The following CRYM variants were observed in gnomAD, a reference collection of about 807,000 sequenced individuals.
CRYM encodes crystallin mu, also known as ketimine reductase mu-crystallin.
Under a neutral mutation model 32.9 loss-of-function variants are expected in CRYM, and 18 were observed. The ratio of observed to expected loss-of-function variants is 0.55; its 90% confidence interval spans 0.38 to 0.81. The LOEUF is 0.81. Among genes scored for constraint, CRYM ranks in the 30% least tolerant of loss-of-function variants. The pLI is 0.00. For missense variants in CRYM, 337 were observed against 393.5 expected (o/e 0.86, Z 1.21); for synonymous variants, 153 against 152.4 (o/e 1.00, Z -0.03).
At chr16:21,290,546 G>A (rs543680319) in intron 1 of CRYM, among the ~76,000 whole-genome samples, 8 of 152,278 alleles carry the variant, frequency 5.3e-5, no homozygotes, top group East Asian at 3.9e-4. Context: ...AAGAACCCAC[G>A]GGAGGGAACC....
chr16:21,261,886 G>T lies in CRYM; in HGVS notation c.795+151C>A. The T allele has an allele frequency of 1.8e-5, 15 of 845,848 alleles. No individual in the cohort carries two copies. The South Asian group carries it at 2.2e-4, about 13-fold the overall frequency. 52.4% of individuals were successfully genotyped at this position (845,848 alleles called of 1,614,324 possible). A position where few individuals can be genotyped will look rare whatever the true frequency, so the allele number is the denominator to read the frequency against. ...TTTTTCTGGAATGGAATTAAAGAGGGTTGCAAAATGTTTAGGAGCTCCTTC... is the reference window on the plus strand; with the variant it reads ...TTTTTCTGGAATGGAATTAAAGAGGTTTGCAAAATGTTTAGGAGCTCCTTC... On this transcript the variant is annotated intron_variant, in intron 6 of 7. Coordinates refer to ENST00000572914, the MANE Select transcript of CRYM (RefSeq NM_001376256.1).
intron 1 of CRYM, among the ~76,000 whole-genome samples, chr16:21,293,693 G>A (rs1960720347): frequency 6.6e-6 from 1 of 152,134 alleles, no homozygotes; most frequent in South Asian, 2.1e-4. Flanking sequence ...ATATTAGCAA[G>A]AATCACAGAA....
chr16:21,290,810 T>G (rs576354168), intron 1 of CRYM, among the ~76,000 whole-genome samples: 82 of 152,260 alleles, frequency 5.4e-4, no homozygotes, highest in Non-Finnish European at 1.0e-3. Flanking sequence ...GATATATTCC[T>G]TATCCTCTTT....
chr16:21,295,670 C>T (rs181838639), intron 1 of CRYM, among the ~76,000 whole-genome samples: 3 of 152,270 alleles, frequency 2.0e-5, no homozygotes, highest in Non-Finnish European at 2.9e-5. Flanking sequence ...TGGTGGTTCA[C>T]GTCTATAATC....
At chr16:21,289,568 A>G (rs1372044705) in intron 1 of CRYM, among the ~76,000 whole-genome samples, 1 of 152,216 alleles carries the variant, frequency 6.6e-6, no homozygotes, top group Admixed American at 6.5e-5. Context: ...ATTTATATTT[A>G]ATGTAATCAC....
chr16:21,300,211 C>T (rs1009656360), intron 1 of CRYM, among the ~76,000 whole-genome samples: 4 of 152,176 alleles, frequency 2.6e-5, no homozygotes. Flanking sequence ...TTTCTCAATT[C>T]TCTGTTCTTC....
intron 1 of CRYM, chr16:21,300,653 A>ATGTTC (rs1597635066): frequency 6.6e-6 from 1 of 152,134 alleles, no homozygotes; most frequent in East Asian, 1.9e-4. Flanking sequence ...GGGGCGGAGG[A>ATGTTC]TGTTCTATAC....
chr16:21,299,245 T>C (rs2152866017), intron 1 of CRYM, among the ~76,000 whole-genome samples: 2 of 152,280 alleles, frequency 1.3e-5, no homozygotes, highest in Middle Eastern at 6.8e-3. Context: ...CTGGTTCAGA[T>C]TCTCAGCACT....
At chr16:21,263,089 G>A (rs1432779496) in intron 5 of CRYM, among the ~76,000 whole-genome samples, 1 of 152,036 alleles carries the variant, frequency 6.6e-6, no homozygotes, top group East Asian at 1.9e-4. Flanking sequence ...GCCCAGGCTG[G>A]AGTGTAGTGG....
chr16:21,292,030 A>T (rs1287151029), intron 1 of CRYM, among the ~76,000 whole-genome samples: 1 of 152,156 alleles, frequency 6.6e-6, no homozygotes, highest in African/African-American at 2.4e-5. Flanking sequence ...TAGAAGTTTT[A>T]CTTAAGAGAA....
At chr16:21,276,533 T>G (rs551989437) in intron 2 of CRYM, among the ~76,000 whole-genome samples, 1 of 152,304 alleles carries the variant, frequency 6.6e-6, no homozygotes, top group South Asian at 2.1e-4. Flanking sequence ...TCTTGAGTCT[T>G]TCACTAACCA....
upstream of CRYM, among the ~76,000 whole-genome samples, chr16:21,280,846 T>C (rs1230362161): frequency 1.3e-5 from 2 of 152,158 alleles, no homozygotes; most frequent in Non-Finnish European, 2.9e-5. Flanking sequence ...GGCTCACACC[T>C]GTAATCCCAG....
At position 21,272,816 on chromosome 16, in the gene CRYM, A is replaced by ATTT. The variant is rs60416570; in HGVS notation, c.387+2713_387+2715dup. Among the ~76,000 whole-genome samples, 114 of 42,304 alleles carry ATTT rather than the reference A, an allele frequency of 2.7e-3. 6 individuals are homozygous for ATTT. In the East Asian group the frequency reaches 0.03, roughly 11 times the overall value. 27.8% of individuals were successfully genotyped at this position (42,304 alleles called of 152,430 possible). ...AGGCACCTGCCACCATGCCCAGCTA[A>ATTT]TTTTTTTTTTTTTTTTTTTTTTTTT... On this transcript the variant is annotated intron_variant, in intron 3 of 7. Transcript: ENST00000572914.
intron 1 of CRYM, among the ~76,000 whole-genome samples, chr16:21,287,730 G>T (rs2152864516): frequency 6.6e-6 from 1 of 152,328 alleles, no homozygotes; most frequent in Admixed American, 6.5e-5. Flanking sequence ...CGGTGTGCTG[G>T]GAGGGTGGCA....
chr16:21,282,611 CTTT>C (rs995210469), upstream of CRYM, among the ~76,000 whole-genome samples: 16 of 152,238 alleles, frequency 1.1e-4, no homozygotes, highest in African/African-American at 3.9e-4. Context: ...TATTAATCTT[CTTT>C]AAGTCATGAT....
Position 21,298,124 on chromosome 16 carries a change from C to T in CRYM, c.-193+4854G>A, listed in dbSNP as rs985676312. Among the ~76,000 whole-genome samples, 3 of 152,292 alleles carry T rather than the reference C, an allele frequency of 2.0e-5. No individual in the cohort carries two copies. In the South Asian group the frequency reaches 6.2e-4, roughly 32 times the overall value. The stretch of plus-strand genomic sequence containing the variant: ...GGTGTTTGTCCAGTATTTGCCCAAT[C>T]AGAGAACTGATAGGTTAAATAAAAG... On this transcript the variant is annotated intron_variant, in intron 1 of 9. Coordinates refer to the CRYM transcript ENST00000219599.
chr16:21,302,764 G>A (rs1318067940), intron 1 of CRYM, among the ~76,000 whole-genome samples: 1 of 152,204 alleles, frequency 6.6e-6, no homozygotes, highest in Non-Finnish European at 1.5e-5. Flanking sequence ...GCATTTCAAA[G>A]GAATGGCTCC....
intron 1 of CRYM, chr16:21,284,101 C>T (rs915125845): frequency 6.6e-6 from 1 of 151,934 alleles, no homozygotes; most frequent in African/African-American, 2.4e-5. Context: ...GCGCCTCTAA[C>T]AAATGAAAAC....
chr16:21,263,271 C>T (rs758582122), intron 5 of CRYM, among the ~76,000 whole-genome samples: 1 of 152,154 alleles, frequency 6.6e-6, no homozygotes, highest in Non-Finnish European at 1.5e-5. Context: ...CATGGTAGCA[C>T]ACGCCTGTAA....
Sources: gnomAD v4.1 joint callset for allele counts (sites outside exome capture counted in the v4.1 genomes callset) on GRCh38, gnomAD v4.1.1 for gene constraint, MANE v1.5 for transcripts, NCBI Gene and HGNC (gene_info 2026-07-23, HGNC 2026-07-21) for gene names.